The following GLIS3 variants were observed in gnomAD, a reference collection of about 807,000 sequenced individuals.
GLIS3 encodes the protein GLIS family zinc finger 3.
GLIS3 carries 53 observed loss-of-function variants against 78.6 expected under a neutral mutation model. The ratio of observed to expected loss-of-function variants is 0.67; its 90% CI spans 0.54 to 0.85. The LOEUF (loss-of-function observed/expected upper bound fraction) is 0.85, where lower values mean the gene tolerates loss of function less well. GLIS3 is among the 40% of genes least tolerant of loss of function. The pLI, the probability that GLIS3 is intolerant of heterozygous loss-of-function variation, is 0.00. For missense variants in GLIS3, 1,703 were observed against 1,231.1 expected (o/e 1.38, Z -5.74); for synonymous variants, 684 against 509.9 (o/e 1.34, Z -4.60).
upstream of GLIS3, among the ~76,000 whole-genome samples, chr9:4,301,930 A>T (rs182721997): frequency 1.8e-3 from 271 of 152,080 alleles, 2 homozygotes; most frequent in African/African-American, 6.4e-3. Flanking sequence ...ATTTTCATGA[A>T]CCTCTAACAT....
chr9:3,994,464 G>A (rs1473792918), intron 4 of GLIS3, among the ~76,000 whole-genome samples: 3 of 152,184 alleles, frequency 2.0e-5, no homozygotes, highest in African/African-American at 7.2e-5. Context: ...CTTCTTTAAA[G>A]TGAGACTGAA....
At chr9:4,262,662 G>C (rs1825636039) in intron 2 of GLIS3, among the ~76,000 whole-genome samples, 1 of 152,054 alleles carries the variant, frequency 6.6e-6, no homozygotes, top group Non-Finnish European at 1.5e-5. Flanking sequence ...TTCTTATATA[G>C]CCAAAATTTT....
the GLIS3 span, among the ~76,000 whole-genome samples, chr9:4,410,248 A>G: frequency 6.6e-6 from 1 of 151,428 alleles, no homozygotes; most frequent in Non-Finnish European, 1.5e-5. Context: ...AAGTGCTGGG[A>G]TTACAGGCAT....
chr9:4,197,450 GCTGCCCCC>G (rs1818971778), intron 2 of GLIS3, among the ~76,000 whole-genome samples: 2 of 152,122 alleles, frequency 1.3e-5, no homozygotes, highest in African/African-American at 4.8e-5. Context: ...AGGAGTTTAG[GCTGCCCCC>G]CTGCCCCCAC....
intron 2 of GLIS3, among the ~76,000 whole-genome samples, chr9:4,129,322 A>T (rs1832791434): frequency 6.6e-6 from 1 of 152,164 alleles, no homozygotes; most frequent in Admixed American, 6.5e-5. Context: ...TCATCTGCCA[A>T]ACAGGGATAA....
At chr9:4,228,672 G>A (rs1344102995) in intron 2 of GLIS3, among the ~76,000 whole-genome samples, 3 of 152,132 alleles carry the variant, frequency 2.0e-5, no homozygotes, top group African/African-American at 7.2e-5. Flanking sequence ...AAGCCTCTAG[G>A]CCTTCAGGTA....
intron 2 of GLIS3, among the ~76,000 whole-genome samples, chr9:4,261,489 T>C (rs1358582730): frequency 3.3e-5 from 5 of 152,162 alleles, no homozygotes; most frequent in African/African-American, 4.8e-5. Flanking sequence ...AATATCTCTA[T>C]GGTAGAATAA....
chr9:4,346,076 C>CA (rs1260248769), intron 2 of GLIS3, among the ~76,000 whole-genome samples: 1 of 152,054 alleles, frequency 6.6e-6, no homozygotes, highest in Non-Finnish European at 1.5e-5. Flanking sequence ...ATGATCAATT[C>CA]ACTTGTTTTA....
At chr9:4,141,993 T>C (rs1015146157) in intron 2 of GLIS3, among the ~76,000 whole-genome samples, 8 of 152,204 alleles carry the variant, frequency 5.3e-5, no homozygotes, top group Non-Finnish European at 1.2e-4. Context: ...GTGACTTTCA[T>C]CTCTGCACCT....
At chr9:4,280,346 T>C (rs755455555) in intron 2 of GLIS3, among the ~76,000 whole-genome samples, 1 of 152,210 alleles carries the variant, frequency 6.6e-6, no homozygotes, top group African/African-American at 2.4e-5. Context: ...AATGTAACTA[T>C]ATATAAATAA....
chr9:4,432,053 C>T, the GLIS3 span, among the ~76,000 whole-genome samples: 1 of 152,144 alleles, frequency 6.6e-6, no homozygotes, highest in African/African-American at 2.4e-5. Context: ...AGTTTGCCGA[C>T]TTCTGCTCTC....
Position 3,932,359 on chromosome 9 carries a change from C to G in GLIS3, c.1983+1G>C. The G allele has an allele frequency of 6.2e-7, 1 of 1,607,750 alleles. No individual in the cohort carries two copies. Among genetic ancestry groups the G allele is most frequent in the Non-Finnish European group, 8.5e-7 (1 of 1,174,332 alleles). On this transcript the variant is annotated splice_donor_variant, in intron 6 of 10. Coordinates refer to ENST00000381971, the MANE Select transcript of GLIS3 (RefSeq NM_001042413.2). LOFTEE classifies it high-confidence loss of function. ...ACTGGAAGATTCTCTTTTAAAATTA[C>G]CTTTTTCCTTGCTTGTTGCTCTTTG...
At chr9:4,363,887 T>C in the GLIS3 span, among the ~76,000 whole-genome samples, 1 of 152,174 alleles carries the variant, frequency 6.6e-6, no homozygotes, top group Non-Finnish European at 1.5e-5. Context: ...CTTGGAACAA[T>C]TCATGCTAGG....
At chr9:3,907,088 T>C (rs1796773635) in intron 6 of GLIS3, among the ~76,000 whole-genome samples, 1 of 152,162 alleles carries the variant, frequency 6.6e-6, no homozygotes, top group African/African-American at 2.4e-5. Flanking sequence ...ACCAGACCAG[T>C]CCACACTGCG....
At chr9:3,932,704 GA>G in intron 5 of GLIS3, 1 of 477,984 alleles carries the variant, frequency 2.1e-6, no homozygotes, top group South Asian at 2.0e-5. Context: ...TGATTTCTAA[GA>G]GATTGCTTTA....
intron 4 of GLIS3, among the ~76,000 whole-genome samples, chr9:3,972,433 C>T (rs1158812561): frequency 6.6e-6 from 1 of 152,160 alleles, no homozygotes; most frequent in East Asian, 1.9e-4. Context: ...CCTGCAAAGG[C>T]CCTGTGTTAC....
chr9:4,359,170 C>T, the GLIS3 span, among the ~76,000 whole-genome samples: 1 of 152,154 alleles, frequency 6.6e-6, no homozygotes, highest in Non-Finnish European at 1.5e-5. Context: ...TCCAGTATGT[C>T]CCACACCCTA....
intron 4 of GLIS3, among the ~76,000 whole-genome samples, chr9:4,095,691 T>A (rs935227274): frequency 7.9e-5 from 12 of 152,174 alleles, no homozygotes; most frequent in Admixed American, 2.6e-4. Flanking sequence ...ATTTGCTTCA[T>A]GTTTAATGAT....
intron 2 of GLIS3, among the ~76,000 whole-genome samples, chr9:4,334,789 A>G (rs1817732669): frequency 1.3e-5 from 2 of 152,156 alleles, no homozygotes; most frequent in South Asian, 4.1e-4. Flanking sequence ...GGGCTTGTCC[A>G]AGGCCATTTT....
Sources: allele counts gnomAD v4.1 joint callset (sites outside exome capture counted in the v4.1 genomes callset), GRCh38; gene constraint gnomAD v4.1.1; transcripts MANE v1.5; gene names NCBI Gene and HGNC (gene_info 2026-07-23, HGNC 2026-07-21).